Variants in ADORA2A observed in about 807,000 individuals in gnomAD.
ADORA2A encodes adenosine A2a receptor.
Under a neutral mutation model 18.4 loss-of-function variants are expected in ADORA2A, and 11 were observed. The observed-to-expected ratio is 0.60, with a 90% confidence interval of 0.38 to 0.99. The LOEUF is 0.99. Among genes scored for constraint, ADORA2A ranks in the 50% least tolerant of loss-of-function variants. The pLI, the probability that ADORA2A is intolerant of heterozygous loss-of-function variation, is 0.01. For synonymous variants in ADORA2A, 218 were observed against 237.3 expected, an observed-to-expected ratio of 0.92 and a Z score of 0.75; for missense variants, 449 against 556.1, an observed-to-expected ratio of 0.81 and a Z score of 1.94.
intron 2 of ADORA2A, among the ~76,000 whole-genome samples, chr22:24,435,460 T>C (rs774493322): frequency 4.6e-5 from 7 of 152,214 alleles, no homozygotes; most frequent in Non-Finnish European, 7.3e-5. Context: ...AGGGCTGCCG[T>C]TCTCAATTTA....
intron 2 of ADORA2A, chr22:24,439,545 G>A (rs1421765810): frequency 6.6e-6 from 1 of 152,158 alleles, no homozygotes; most frequent in Non-Finnish European, 1.5e-5. Flanking sequence ...GGGGAGTGTA[G>A]TCTGGTCTTG....
At position 24,441,457 on chromosome 22, in the gene ADORA2A, C is replaced by G. The variant is rs1194487927; in HGVS notation, c.1207C>G (p.Pro403Ala). The G allele has an allele frequency of 6.6e-7, 1 of 1,518,678 alleles. No homozygotes were observed. The highest frequency in any genetic ancestry group is 1.3e-5 in the South Asian group (1 of 75,456). The allele number at this position is 1,518,678 out of a possible 1,614,324, so 94.1% of individuals were successfully genotyped here. Residue 403 changes from proline (P) to alanine (A), a missense_variant, in exon 3 of 3, where the codon CCC becomes GCC. Physicochemically the swap from Pro to Ala is conservative, Grantham distance 27. Transcript: ENST00000337539. ...CCCAGAGCCCCCTGGCCTAGATGAC[C>G]CCCTGGCCCAGGATGGAGCAGGAGT... ...VCPEPPGLDD[P>A]LAQDGAGVS
chr22:24,440,847 G>C lies in ADORA2A; in HGVS notation c.597G>C (p.Arg199=), dbSNP rs200755653. The change falls in exon 3 of 3, where the codon CGG becomes CGC. Residue 199 remains arginine (R), a synonymous_variant. Transcript: ENST00000337539. ...TGCTCATGCTGGGTGTCTATTTGCG[G>C]ATCTTCCTGGCGGCGCGACGACAGC... ...PLLLMLGVYL[R]IFLAARRQLK... 8 of 1,614,052 alleles carry C rather than the reference G, an allele frequency of 5.0e-6. No homozygotes were observed. The highest frequency in any genetic ancestry group is 1.3e-5 in the African/African-American group (1 of 74,908).
In ADORA2A at chr22:24,441,177, G is replaced by T; in HGVS notation, c.927G>T (p.Arg309Ser). 6.2e-7 allele frequency: 1 copy of T among 1,614,166 alleles called. No individual in the cohort carries two copies. Among genetic ancestry groups the T allele is most frequent in the South Asian group, 1.1e-5 (1 of 91,086 alleles). ...AGATCATTCGCAGCCACGTCCTGAG[G>T]CAGCAAGAACCTTTCAAGGCAGCTG... is the stretch of plus-strand genomic sequence containing the variant. ...FRKIIRSHVLRQQEPFKAAGT... is the reference protein window; with the variant it reads ...FRKIIRSHVLSQQEPFKAAGT... Residue 309 changes from arginine (R) to serine (S), a missense_variant, in exon 3 of 3, where the codon AGG becomes AGT. By Grantham distance (110) the Arg-to-Ser change is moderately radical. Coordinates refer to ENST00000337539, the MANE Select transcript of ADORA2A (RefSeq NM_000675.6).
chr22:24,441,316 C>G lies in ADORA2A; in HGVS notation c.1066C>G (p.Arg356Gly). 6.2e-7 allele frequency: 1 copy of G among 1,606,156 alleles called. No homozygotes were observed. The highest frequency in any genetic ancestry group is 1.1e-5 in the South Asian group (1 of 90,334). Reference sequence around the variant, plus strand: ...CAACGGCAGTGCTCCCCACCCTGAGCGGAGGCCCAATGGCTATGCCCTGGG... The same window carrying G: ...CAACGGCAGTGCTCCCCACCCTGAGGGGAGGCCCAATGGCTATGCCCTGGG... ...WANGSAPHPE[R>G]RPNGYALGLV... The change falls in exon 3 of 3, where the codon CGG (arginine) becomes GGG (glycine). Residue 356 changes from arginine to glycine, a missense_variant. Physicochemically the swap from Arg to Gly is moderately radical, Grantham distance 125. Transcript: ENST00000337539.
chr22:24,436,132 G>A (rs1013794174), intron 2 of ADORA2A, among the ~76,000 whole-genome samples: 2 of 152,200 alleles, frequency 1.3e-5, no homozygotes, highest in South Asian at 2.1e-4. Context: ...TTCCTGGCCC[G>A]CAGGTCCCTT....
In ADORA2A at chr22:24,441,250, G is replaced by A. The variant is rs760812946; in HGVS notation, c.1000G>A (p.Val334Ile). 1.2e-5 allele frequency: 20 copies of A among 1,613,322 alleles called. No individual in the cohort carries two copies. Among genetic ancestry groups the A allele is most frequent in the Non-Finnish European group, 1.6e-5 (19 of 1,179,962 alleles). Residue 334 changes from valine to isoleucine, a missense_variant, in exon 3 of 3, where the codon GTC (valine) becomes ATC (isoleucine). Transcript: ENST00000337539. ...LAAHGSDGEQ[V>I]SLRLNGHPPG... ...AGCTCATGGCAGTGACGGAGAGCAGGTCAGCCTCCGTCTCAACGGCCACCC... is the reference window on the plus strand; with the variant it reads ...AGCTCATGGCAGTGACGGAGAGCAGATCAGCCTCCGTCTCAACGGCCACCC...
chr22:24,426,460 G>T (rs1296108319), upstream of ADORA2A, among the ~76,000 whole-genome samples: 2 of 152,192 alleles, frequency 1.3e-5, no homozygotes, highest in African/African-American at 4.8e-5. Flanking sequence ...GAATGGGAGG[G>T]TTCTAGCTCC....
chr22:24,441,648 A>C lies in ADORA2A; in HGVS notation c.*159A>C, dbSNP rs557783728. 2 of 684,304 alleles carry C rather than the reference A, an allele frequency of 2.9e-6. No individual in the cohort carries two copies. Among genetic ancestry groups the C allele is most frequent in the Non-Finnish European group, 2.2e-6 (1 of 460,400 alleles). The allele number at this position is 684,304 out of a possible 1,614,324, so 42.4% of individuals were successfully genotyped here. On this transcript the variant is annotated 3_prime_UTR_variant, in exon 3 of 3. Transcript: ENST00000337539. ...GAAGGGAGCCCCAGGCTGGAGCAGC[A>C]TGAGGCCCAGCAAGAAGGGCTTGGG...
At chr22:24,432,853 A>C (rs2043075811) in intron 1 of ADORA2A, 1 of 156,794 alleles carries the variant, frequency 6.4e-6, no homozygotes, top group African/African-American at 2.4e-5. Flanking sequence ...GGACCAGGGG[A>C]ACCAGCCTTG....
intron 2 of ADORA2A, among the ~76,000 whole-genome samples, chr22:24,437,544 A>G (rs1215111885): frequency 6.6e-6 from 1 of 152,182 alleles, no homozygotes; most frequent in Non-Finnish European, 1.5e-5. Context: ...AATTTAAGAA[A>G]AAAAAAAGTC....
rs201149976 is a variant in ADORA2A, at chr22:24,440,859, G to A, written c.609G>A (p.Ala203=). The part of the protein sequence containing the change: ...MLGVYLRIFL[A]ARRQLKQMES... The stretch of plus-strand genomic sequence containing the variant: ...GTGTCTATTTGCGGATCTTCCTGGC[G>A]GCGCGACGACAGCTGAAGCAGATGG... Residue 203 remains alanine (A), a synonymous_variant, in exon 3 of 3, where the codon GCG becomes GCA. Coordinates refer to ENST00000337539, the MANE Select transcript of ADORA2A (RefSeq NM_000675.6). 5.5e-5 allele frequency: 89 copies of A among 1,614,054 alleles called. No individual in the cohort carries two copies. The highest frequency in any genetic ancestry group is 4.4e-4 in the South Asian group (40 of 91,090).
upstream of ADORA2A, chr22:24,423,999 C>G (rs2146853748): frequency 6.6e-6 from 1 of 152,280 alleles, no homozygotes; most frequent in East Asian, 1.9e-4. Context: ...GTCCTGGGTG[C>G]CGGGTCCGGG....
Position 24,427,982 on chromosome 22 carries a change from C to T in ADORA2A, c.-275+236C>T, listed in dbSNP as rs114250671. On this transcript the variant is annotated intron_variant, in intron 1 of 2. Transcript: ENST00000337539. Reference sequence around the variant, plus strand: ...AGGAGCAGAGAGCTGCAGCTGCACCCGGGCTGTGGGGGAGGGATGCCAGGT... The same window carrying T: ...AGGAGCAGAGAGCTGCAGCTGCACCTGGGCTGTGGGGGAGGGATGCCAGGT... Among the ~76,000 whole-genome samples the T allele has an allele frequency of 1.7e-3, 258 of 152,284 alleles. No homozygotes were observed. In the Middle Eastern group the frequency reaches 0.017, roughly 10 times the overall value.
chr22:24,425,354 C>A (rs2042907626), upstream of ADORA2A, among the ~76,000 whole-genome samples: 1 of 145,458 alleles, frequency 6.9e-6, no homozygotes, highest in Non-Finnish European at 1.5e-5. Flanking sequence ...CCCCCCCCGC[C>A]CAACATCCCG....
In ADORA2A at chr22:24,441,577, G is replaced by GTTGGC; in HGVS notation, c.*89_*90insTGGCT. 1 of 1,338,374 alleles carries GTTGGC rather than the reference G, an allele frequency of 7.5e-7. No individual in the cohort carries two copies. The highest frequency in any genetic ancestry group is 9.8e-7 in the Non-Finnish European group (1 of 1,024,678). 82.9% of individuals were successfully genotyped at this position (1,338,374 alleles called of 1,614,324 possible). ...CAGTCACGTTGGGAGAAGAGAGAGA[G>GTTGGC]TGCCAGGAGACCCTGAGGGCAGCCG... On this transcript the variant is annotated 3_prime_UTR_variant, in exon 3 of 3. Transcript: ENST00000337539.
chr22:24,425,002 G>GT (rs2042901909), upstream of ADORA2A, among the ~76,000 whole-genome samples: 1 of 152,078 alleles, frequency 6.6e-6, no homozygotes, highest in South Asian at 2.1e-4. Flanking sequence ...TGAGCCGCAG[G>GT]TCAAGCCAGC....
upstream of ADORA2A, chr22:24,424,455 C>T (rs900529198): frequency 5.9e-5 from 9 of 152,236 alleles, no homozygotes; most frequent in Admixed American, 5.2e-4. The surrounding 1 kb of genome is among the most constrained non-coding windows in gnomAD (Gnocchi z 4.9). Context: ...CAGGGATGGA[C>T]CGGGGGCGCA....
chr22:24,440,459 A>T, intron 2 of ADORA2A, 124 bp from the exon 3 acceptor site: 1 of 961,686 alleles, frequency 1.0e-6, no homozygotes. Context: ...AGGTGGCAGG[A>T]AATGACTGGT....
Sources: gnomAD v4.1 joint callset for allele counts (sites outside exome capture counted in the v4.1 genomes callset) on GRCh38, gnomAD v4.1.1 for gene constraint, Gnocchi (gnomAD v3.1) non-coding constraint, MANE v1.5 for transcripts, NCBI Gene and HGNC (gene_info 2026-07-23, HGNC 2026-07-21) for gene names.